Variants in C9 observed in about 807,000 individuals in gnomAD.
C9 encodes complement C9, also known as complement component C9.
In C9, 63 loss-of-function variants were observed where a neutral mutation model predicts 65.4. The ratio of observed to expected loss-of-function variants is 0.96; its 90% CI spans 0.79 to 1.19. The LOEUF is 1.19. Ranked by LOEUF, C9 falls within the 50% of genes most tolerant of loss-of-function variation. C9 has a pLI of 0.00. For synonymous variants in C9, 229 were observed against 227.9 expected, an observed-to-expected ratio of 1.00 and a Z score of -0.04; for missense variants, 744 against 670.1, an observed-to-expected ratio of 1.11 and a Z score of -1.22.
At chr5:39,362,093 A>G (rs1561358956) in intron 1 of C9, among the ~76,000 whole-genome samples, 1 of 152,214 alleles carries the variant, frequency 6.6e-6, no homozygotes, top group Non-Finnish European at 1.5e-5. Flanking sequence ...AAACCTTATT[A>G]GACAGATGCT....
At chr5:39,325,931 A>G (rs967563312) in intron 5 of C9, among the ~76,000 whole-genome samples, 4 of 152,200 alleles carry the variant, frequency 2.6e-5, no homozygotes, top group African/African-American at 9.7e-5. Context: ...ACTCAAAATT[A>G]CCAGCATTCG....
intron 1 of C9, among the ~76,000 whole-genome samples, chr5:39,343,953 G>C (rs1162762993): frequency 6.6e-6 from 1 of 152,208 alleles, no homozygotes; most frequent in Non-Finnish European, 1.5e-5. Flanking sequence ...CACACCTGCA[G>C]CTGAGGATCA....
chr5:39,327,978 G>C (rs1753779847), intron 5 of C9, among the ~76,000 whole-genome samples: 1 of 152,190 alleles, frequency 6.6e-6, no homozygotes. Flanking sequence ...GACAACATGG[G>C]TATATAGAGA....
intron 9 of C9, among the ~76,000 whole-genome samples, chr5:39,295,188 T>A (rs1225590195): frequency 1.3e-5 from 2 of 151,796 alleles, no homozygotes; most frequent in South Asian, 4.1e-4. Flanking sequence ...TTTAACATAG[T>A]ACTGGAAATC....
At chr5:39,352,847 T>A (rs1045881861) in intron 1 of C9, among the ~76,000 whole-genome samples, 58 of 152,098 alleles carry the variant, frequency 3.8e-4, no homozygotes, top group African/African-American at 1.4e-3. Flanking sequence ...TTTTTTTTTT[T>A]TTTTTTTTAA....
chr5:39,352,748 G>A (rs1270218588), intron 1 of C9, among the ~76,000 whole-genome samples: 1 of 152,090 alleles, frequency 6.6e-6, no homozygotes, highest in East Asian at 1.9e-4. Flanking sequence ...CATCCAGAGG[G>A]GTCTTTTAAA....
At chr5:39,286,775 G>A (rs1159046187) in intron 10 of C9, among the ~76,000 whole-genome samples, 1 of 151,824 alleles carries the variant, frequency 6.6e-6, no homozygotes, top group Admixed American at 6.6e-5. Flanking sequence ...GAGAGACAGA[G>A]TTAGCATACA....
At chr5:39,361,985 T>A (rs1309292329) in intron 1 of C9, among the ~76,000 whole-genome samples, 1 of 151,980 alleles carries the variant, frequency 6.6e-6, no homozygotes, top group Admixed American at 6.6e-5. Flanking sequence ...AAGGTTATTA[T>A]TTTTTTTAAA....
At chr5:39,322,173 G>A (rs75393873) in intron 5 of C9, among the ~76,000 whole-genome samples, 2,662 of 152,020 alleles carry the variant, frequency 0.018, 78 homozygotes, top group African/African-American at 0.06. Flanking sequence ...ACAATGGTAT[G>A]AAGCTAGAAA....
chr5:39,298,411 AAAATC>A (rs1187000689), intron 9 of C9, among the ~76,000 whole-genome samples: 3 of 151,638 alleles, frequency 2.0e-5, no homozygotes, highest in African/African-American at 7.2e-5. Flanking sequence ...AGATTAATTA[AAAATC>A]AAACAAGATA....
In C9 at chr5:39,341,203, G is replaced by C. The variant is rs774497549; in HGVS notation, c.419C>G (p.Pro140Arg). The part of the protein sequence containing the change: ...DEDDCESEPR[P>R]PCRDRVVEES... Reference sequence around the variant, plus strand: ...TTCTACCACTCTGTCTCTGCAGGGGGGACGGGGCTCACTTTCACAATCATC... The same window carrying C: ...TTCTACCACTCTGTCTCTGCAGGGGCGACGGGGCTCACTTTCACAATCATC... The change falls in exon 4 of 11, where the codon CCC (proline) becomes CGC (arginine). Residue 140 changes from proline to arginine, a missense_variant. Pro to Arg is a moderately radical substitution (Grantham distance 103). Coordinates refer to ENST00000263408, the MANE Select transcript of C9 (RefSeq NM_001737.5). 5 of 1,613,998 alleles carry C rather than the reference G, an allele frequency of 3.1e-6. No individual in the cohort carries two copies. In the African/African-American group the frequency reaches 6.7e-5, roughly 22 times the overall value.
intron 1 of C9, among the ~76,000 whole-genome samples, chr5:39,347,853 A>T (rs868835331): frequency 6.6e-6 from 1 of 152,286 alleles, no homozygotes; most frequent in African/African-American, 2.4e-5. Flanking sequence ...TGGAGCCCTC[A>T]GAAATAATAC....
intron 1 of C9, among the ~76,000 whole-genome samples, chr5:39,346,649 G>A (rs1395630554): frequency 1.3e-5 from 2 of 152,146 alleles, no homozygotes; most frequent in Admixed American, 6.5e-5. Flanking sequence ...GAAAAAGAGG[G>A]AATCCTCCCT....
At chr5:39,292,588 A>G (rs896165765) in intron 9 of C9, among the ~76,000 whole-genome samples, 2 of 151,856 alleles carry the variant, frequency 1.3e-5, no homozygotes, top group African/African-American at 4.8e-5. Context: ...GCAAAAATAT[A>G]CCTTTCTAGT....
intron 9 of C9, among the ~76,000 whole-genome samples, chr5:39,296,493 G>A (rs1753188398): frequency 6.6e-6 from 1 of 151,538 alleles, no homozygotes; most frequent in African/African-American, 2.4e-5. Flanking sequence ...TAACACTGTT[G>A]GTGGGAATGT....
At chr5:39,293,495 C>G (rs1180829874) in intron 9 of C9, among the ~76,000 whole-genome samples, 1 of 151,860 alleles carries the variant, frequency 6.6e-6, no homozygotes, top group Non-Finnish European at 1.5e-5. Flanking sequence ...ATAAAGGGAT[C>G]AATTCAGCAA....
chr5:39,328,888 T>C (rs1287353284), intron 5 of C9, among the ~76,000 whole-genome samples: 1 of 152,188 alleles, frequency 6.6e-6, no homozygotes, highest in Non-Finnish European at 1.5e-5. Flanking sequence ...TAGGAAGTTA[T>C]GAGGCAACAA....
intron 10 of C9, among the ~76,000 whole-genome samples, chr5:39,288,514 A>T (rs913697961): frequency 1.3e-5 from 2 of 151,676 alleles, no homozygotes; most frequent in Non-Finnish European, 3.0e-5. Context: ...ATTTATTTAT[A>T]ATTCTATCTT....
At chr5:39,300,926 G>C (rs1037562225) in intron 9 of C9, among the ~76,000 whole-genome samples, 2 of 151,976 alleles carry the variant, frequency 1.3e-5, no homozygotes, top group African/African-American at 2.4e-5. Context: ...AAAATGATGA[G>C]AGTTAATATT....
Sources: allele counts gnomAD v4.1 joint callset (sites outside exome capture counted in the v4.1 genomes callset), GRCh38; gene constraint gnomAD v4.1.1; transcripts MANE v1.5; gene names NCBI Gene and HGNC (gene_info 2026-07-23, HGNC 2026-07-21).